The following ABCC5 variants were observed in gnomAD, a reference collection of about 807,000 sequenced individuals.
ABCC5 encodes ATP-binding cassette sub-family C member 5.
A neutral mutation model predicts 160.9 loss-of-function variants in ABCC5; 61 were observed. The observed-to-expected ratio is 0.38, with a 90% confidence interval of 0.31 to 0.47. ABCC5 has a LOEUF of 0.47. ABCC5 is among the 20% of genes least tolerant of loss of function. The pLI is 0.99. For synonymous variants in ABCC5, 666 were observed against 700.6 expected (o/e 0.95, Z 0.78); for missense variants, 1,308 against 1,813.3 (o/e 0.72, Z 5.06).
chr3:183,977,667 T>A (rs776977233), intron 9 of ABCC5, 43 bp from the exon 10 acceptor site: 1 of 1,439,936 alleles, frequency 6.9e-7, no homozygotes, highest in East Asian at 2.3e-5. Context: ...AATGATGCTA[T>A]GCAACTGAAG....
At chr3:183,993,996 C>T (rs1720014197) in intron 2 of ABCC5, among the ~76,000 whole-genome samples, 1 of 146,540 alleles carries the variant, frequency 6.8e-6, no homozygotes, top group Non-Finnish European at 1.5e-5. Context: ...CAGCATCTCG[C>T]TCTGTCACCC....
At chr3:183,985,326 T>C in intron 5 of ABCC5, 2 of 1,614,118 alleles carry the variant, frequency 1.2e-6, no homozygotes, top group Non-Finnish European at 1.7e-6. Flanking sequence ...CGAGAGATTC[T>C]GCCCAGCTTG....
At chr3:183,998,912 C>G (rs956381577) in intron 2 of ABCC5, among the ~76,000 whole-genome samples, 2 of 151,698 alleles carry the variant, frequency 1.3e-5, no homozygotes, top group African/African-American at 4.8e-5. Flanking sequence ...CAATATGGTG[C>G]AACCTCATCT....
At chr3:183,957,513 G>A (rs1356060552) in intron 17 of ABCC5, among the ~76,000 whole-genome samples, 24 of 148,684 alleles carry the variant, frequency 1.6e-4, no homozygotes, top group African/African-American at 5.5e-4. Context: ...AATCACATCG[G>A]TTACATGCTT....
intron 17 of ABCC5, among the ~76,000 whole-genome samples, chr3:183,956,585 G>C (rs1475785249): frequency 6.6e-6 from 1 of 150,514 alleles, no homozygotes; most frequent in Non-Finnish European, 1.5e-5. Flanking sequence ...TATCACATCG[G>C]TTACATGCAG....
rs376672120 is a variant in ABCC5, at chr3:183,920,501, AAAG to A, written c.*796_*798del. On this transcript the variant is annotated 3_prime_UTR_variant, in exon 30 of 30. Transcript: ENST00000334444. The surrounding 1 kb of genome is among the most constrained non-coding windows in gnomAD (Gnocchi z 4.1). ...GATTCTTGTTTAGAAACAACAGCAA[AAAG>A]AAGAAGGCAGGAAAGAAACTCCCCG... 14 of 152,780 alleles carry A rather than the reference AAAG, an allele frequency of 9.2e-5. 1 individual carries two copies. The highest frequency in any genetic ancestry group is 3.4e-4 in the African/African-American group (14 of 41,572). The allele number at this position is 152,780 out of a possible 1,614,324, so 9.5% of individuals were successfully genotyped here.
chr3:183,942,490 C>T (rs760020200), intron 25 of ABCC5: 16 of 658,826 alleles, frequency 2.4e-5, no homozygotes, highest in African/African-American at 1.2e-4. Flanking sequence ...GCTCCTCTTT[C>T]GTACTTGGCT....
intron 17 of ABCC5, among the ~76,000 whole-genome samples, chr3:183,954,726 C>T (rs925500247): frequency 2.6e-5 from 4 of 152,110 alleles, no homozygotes; most frequent in Non-Finnish European, 2.9e-5. Flanking sequence ...TACCTTGAGA[C>T]GGGTCTCAAT....
chr3:184,001,560 G>A (rs1460543797), intron 2 of ABCC5, among the ~76,000 whole-genome samples: 1 of 152,152 alleles, frequency 6.6e-6, no homozygotes, highest in Non-Finnish European at 1.5e-5. Context: ...ATCTGGAAAT[G>A]TTTGAGGGGT....
At chr3:183,986,544 A>C (rs1183218593) in intron 5 of ABCC5, 1 of 152,198 alleles carries the variant, frequency 6.6e-6, no homozygotes, top group East Asian at 1.9e-4. Context: ...AAAAATAAAA[A>C]TCCCAGCAAT....
intron 17 of ABCC5, among the ~76,000 whole-genome samples, chr3:183,954,505 C>A (rs982348308): frequency 1.3e-5 from 2 of 152,138 alleles, no homozygotes; most frequent in Non-Finnish European, 2.9e-5. Context: ...AGGTTCAAAA[C>A]GAGGCAGCTG....
chr3:183,994,862 T>G (rs548537935), intron 2 of ABCC5, among the ~76,000 whole-genome samples: 3 of 151,694 alleles, frequency 2.0e-5, no homozygotes, highest in South Asian at 4.2e-4. Context: ...TATGTTTTTT[T>G]TTTTTTTTTT....
intron 17 of ABCC5, among the ~76,000 whole-genome samples, chr3:183,956,424 G>A (rs1402869163): frequency 2.7e-5 from 4 of 149,754 alleles, no homozygotes; most frequent in African/African-American, 7.4e-5. Context: ...ATATCATATC[G>A]GTTACATGCA....
At chr3:183,945,339 T>C (rs1379939266) in intron 24 of ABCC5, among the ~76,000 whole-genome samples, 1 of 152,144 alleles carries the variant, frequency 6.6e-6, no homozygotes, top group African/African-American at 2.4e-5. Context: ...TACTCTGGTA[T>C]CAATTAAATT....
chr3:183,961,480 G>A (rs776754931), intron 16 of ABCC5, 31 bp downstream of exon 16: 74 of 1,610,908 alleles, frequency 4.6e-5, no homozygotes, highest in Admixed American at 6.7e-5. Context: ...AGAGACAGAA[G>A]GGGACACACG....
chr3:183,982,493 G>C lies in ABCC5; in HGVS notation c.957C>G (p.Gly319=). The change falls in exon 7 of 30, where the codon GGC becomes GGG. Residue 319 remains glycine (G), a synonymous_variant. Coordinates refer to ENST00000334444, the MANE Select transcript of ABCC5 (RefSeq NM_005688.4). The surrounding 1 kb of genome is among the most constrained non-coding windows in gnomAD (Gnocchi z 5.2). The part of the protein sequence containing the change: ...IYNVIILGPT[G]FLGSAVFILF... ...GGATAAAAACAGCTGATCCCAGGAA[G>C]CCTGTTGGTCCCAGAATAATTACAT... 1 of 1,614,160 alleles carries C rather than the reference G, an allele frequency of 6.2e-7. No individual in the cohort carries two copies. Among genetic ancestry groups the C allele is most frequent in the Non-Finnish European group, 8.5e-7 (1 of 1,180,022 alleles).
chr3:183,926,399 A>C (rs1712564155), intron 28 of ABCC5, among the ~76,000 whole-genome samples: 1 of 150,982 alleles, frequency 6.6e-6, no homozygotes, highest in South Asian at 2.1e-4. Flanking sequence ...AAAATACAAA[A>C]ATTAGCCGGG....
intron 2 of ABCC5, chr3:184,001,188 C>A: frequency 2.1e-6 from 1 of 486,330 alleles, no homozygotes; most frequent in Non-Finnish European, 3.7e-6. Flanking sequence ...AGGTGTTTGA[C>A]GCTGCAGTGA....
chr3:183,923,925 T>A (rs1712253587), intron 29 of ABCC5, among the ~76,000 whole-genome samples: 1 of 152,024 alleles, frequency 6.6e-6, no homozygotes, highest in Non-Finnish European at 1.5e-5. Flanking sequence ...TTAGACAGTG[T>A]GCTGGCAGTG....
Sources: allele counts gnomAD v4.1 joint callset (sites outside exome capture counted in the v4.1 genomes callset), GRCh38; gene constraint gnomAD v4.1.1; non-coding constraint Gnocchi (gnomAD v3.1); transcripts MANE v1.5; gene names NCBI Gene and HGNC (gene_info 2026-07-23, HGNC 2026-07-21).